PDE1A: variants seen among roughly 807,000 people sequenced by gnomAD.
The protein encoded by PDE1A is phosphodiesterase 1A.
PDE1A carries 35 observed loss-of-function variants against 61.7 expected under a neutral mutation model. The observed-to-expected ratio is 0.57, with a 90% CI of 0.43 to 0.75. The LOEUF (loss-of-function observed/expected upper bound fraction) is 0.75. Among genes scored for constraint, PDE1A ranks in the 30% least tolerant of loss-of-function variants. PDE1A has a pLI of 0.00. For synonymous variants in PDE1A, 232 were observed against 213.2 expected (o/e 1.09, Z -0.77); for missense variants, 597 against 630.6 (o/e 0.95, Z 0.57).
intron 1 of PDE1A, among the ~76,000 whole-genome samples, chr2:182,319,066 C>T (rs774917497): frequency 2.0e-5 from 3 of 152,070 alleles, no homozygotes; most frequent in African/African-American, 4.8e-5. Flanking sequence ...GATTATTTCT[C>T]GTCATGTATT....
At chr2:182,446,662 A>G (rs1041103364) in intron 2 of PDE1A, among the ~76,000 whole-genome samples, 2 of 152,146 alleles carry the variant, frequency 1.3e-5, no homozygotes, top group African/African-American at 2.4e-5. Context: ...CATTTGGTTA[A>G]TTAACTTACC....
intron 7 of PDE1A, among the ~76,000 whole-genome samples, chr2:182,208,550 T>C (rs1474875266): frequency 1.3e-5 from 2 of 152,128 alleles, no homozygotes; most frequent in African/African-American, 4.8e-5. Flanking sequence ...TATCAGCCAC[T>C]GTCTTTCAGA....
At chr2:182,455,366 A>G (rs1320139401) in intron 2 of PDE1A, among the ~76,000 whole-genome samples, 1 of 152,124 alleles carries the variant, frequency 6.6e-6, no homozygotes, top group Non-Finnish European at 1.5e-5. Context: ...TCAGGGATCT[A>G]GAACTAGAAA....
intron 2 of PDE1A, chr2:182,463,506 T>C (rs1686446414): frequency 1.3e-5 from 2 of 152,152 alleles, no homozygotes; most frequent in Non-Finnish European, 2.9e-5. Context: ...TATGCTGCAT[T>C]GTACTTCAAC....
rs527324138 is a variant in PDE1A, at chr2:182,170,099, A to G, written c.1517-1809T>C. 8.5e-5 allele frequency among the ~76,000 whole-genome samples: 13 copies of G among 152,192 alleles called. No individual in the cohort carries two copies. The South Asian group carries it at 2.5e-3, about 29-fold the overall frequency. ...TCTGGAGGGAAGTTTAGAGAATTTA[A>G]CTAAACCAACCCATCATAATTAACT... On this transcript the variant is annotated intron_variant, in intron 13 of 13. Coordinates refer to ENST00000351439, the Ensembl canonical transcript of PDE1A.
intron 7 of PDE1A, 136 bp from the exon 8 acceptor site, chr2:182,206,201 A>T: frequency 1.9e-6 from 1 of 540,298 alleles, no homozygotes. Context: ...GGAAGTACTT[A>T]GTTTCTTTTA....
chr2:182,693,197 G>A, the PDE1A span, among the ~76,000 whole-genome samples: 87 of 152,230 alleles, frequency 5.7e-4, 2 homozygotes, highest in South Asian at 0.018. Context: ...AATCAGTAAA[G>A]AGTATAGTGA....
At chr2:182,333,710 G>T (rs1697582559) in intron 1 of PDE1A, among the ~76,000 whole-genome samples, 1 of 151,962 alleles carries the variant, frequency 6.6e-6, no homozygotes, top group Admixed American at 6.6e-5. Context: ...GCTAGCAGAA[G>T]ACAAGAAATA....
chr2:182,198,859 G>T (rs908949305), intron 10 of PDE1A, among the ~76,000 whole-genome samples: 6 of 151,828 alleles, frequency 4.0e-5, no homozygotes, highest in East Asian at 1.9e-4. Context: ...TGTCATAAAA[G>T]AATTTGTGTA....
At chr2:182,234,292 A>G in intron 4 of PDE1A, 140 bp downstream of exon 4, 1 of 593,268 alleles carries the variant, frequency 1.7e-6, no homozygotes, top group South Asian at 2.0e-5. Flanking sequence ...TTCATTTTTT[A>G]AATTGTTAGG....
At chr2:182,711,553 C>T in the PDE1A span, among the ~76,000 whole-genome samples, 16 of 151,672 alleles carry the variant, frequency 1.1e-4, no homozygotes, top group East Asian at 2.9e-3. Flanking sequence ...GCAACAGCAG[C>T]CCCAGATTAT....
At chr2:182,415,523 T>A (rs1260204041) in intron 1 of PDE1A, among the ~76,000 whole-genome samples, 1 of 152,176 alleles carries the variant, frequency 6.6e-6, no homozygotes, top group African/African-American at 2.4e-5. Context: ...TCCTTCAAGA[T>A]CTACATCTTT....
chr2:182,427,698 C>A (rs919691535), upstream of PDE1A, among the ~76,000 whole-genome samples: 3 of 152,036 alleles, frequency 2.0e-5, no homozygotes, highest in Non-Finnish European at 2.9e-5. Context: ...ATTTACACTG[C>A]GGGAACTCTT....
the PDE1A span, among the ~76,000 whole-genome samples, chr2:182,620,374 T>C: frequency 4.6e-5 from 7 of 152,184 alleles, no homozygotes; most frequent in African/African-American, 1.7e-4. Flanking sequence ...ATGTACTTTT[T>C]CAAGTTTGAT....
At chr2:182,205,428 T>C (rs1051980493) in intron 8 of PDE1A, among the ~76,000 whole-genome samples, 1 of 152,194 alleles carries the variant, frequency 6.6e-6, no homozygotes, top group East Asian at 1.9e-4. Flanking sequence ...ATATACCATG[T>C]AATTTTTTTC....
At chr2:182,353,437 T>C (rs1482860738) in intron 1 of PDE1A, among the ~76,000 whole-genome samples, 2 of 152,206 alleles carry the variant, frequency 1.3e-5, no homozygotes, top group African/African-American at 4.8e-5. Flanking sequence ...AACAGTTCAC[T>C]AACTTGCTAG....
At chr2:182,483,956 G>T (rs1687855364) in intron 2 of PDE1A, among the ~76,000 whole-genome samples, 1 of 151,016 alleles carries the variant, frequency 6.6e-6, no homozygotes, top group African/African-American at 2.4e-5. Flanking sequence ...GAAATTAAAA[G>T]AACTATAAGA....
At chr2:182,562,793 T>C in the PDE1A span, among the ~76,000 whole-genome samples, 6 of 152,198 alleles carry the variant, frequency 3.9e-5, no homozygotes, top group Admixed American at 3.9e-4. Flanking sequence ...GGAGTGTGTA[T>C]ATGTCAAGGA....
chr2:182,195,530 C>T (rs545060861), intron 10 of PDE1A, among the ~76,000 whole-genome samples: 1 of 152,060 alleles, frequency 6.6e-6, no homozygotes, highest in Non-Finnish European at 1.5e-5. Context: ...AAAATACAGT[C>T]TTTAACAAGA....
Sources: allele counts gnomAD v4.1 joint callset (sites outside exome capture counted in the v4.1 genomes callset), GRCh38; gene constraint gnomAD v4.1.1; transcripts MANE v1.5; gene names NCBI Gene and HGNC (gene_info 2026-07-23, HGNC 2026-07-21).